ATG7: variants seen among roughly 807,000 people sequenced by gnomAD.
ATG7 encodes the protein ubiquitin-like modifier-activating enzyme ATG7.
ATG7 carries 70 observed loss-of-function variants against 82.4 expected under a neutral mutation model. That is an observed-to-expected ratio of 0.85 (90% confidence interval 0.70 to 1.04). ATG7 has a LOEUF of 1.04. ATG7 is among the 50% of genes least tolerant of loss of function. The pLI is 0.00. For synonymous variants in ATG7, 287 were observed against 313.0 expected (o/e 0.92, Z 0.88); for missense variants, 792 against 864.3 (o/e 0.92, Z 1.05).
chr3:11,390,235 TAAGG>T lies in ATG7; in HGVS notation c.1956+10187_1956+10190del, dbSNP rs1383926187. On this transcript the variant is annotated intron_variant, in intron 19 of 20. Transcript: ENST00000693202. Reference sequence around the variant, plus strand: ...CGTTATTTCAGTTTGACTTGACTGATAAGGAAGATTGATTTTAATCATAAGGCAC... The same window carrying T: ...CGTTATTTCAGTTTGACTTGACTGATAAGATTGATTTTAATCATAAGGCAC... Among the ~76,000 whole-genome samples the T allele has an allele frequency of 3.9e-5, 6 of 152,344 alleles. No homozygotes were observed. The South Asian group carries it at 6.2e-4, about 16-fold the overall frequency.
In ATG7 at chr3:11,333,103, C is replaced by T. The variant is rs760503587; in HGVS notation, c.889+10C>T. The T allele has an allele frequency of 1.8e-5, 28 of 1,541,620 alleles. No individual in the cohort carries two copies. Among genetic ancestry groups the T allele is most frequent in the East Asian group, 1.2e-4 (5 of 41,442 alleles). On this transcript the variant is annotated intron_variant, in intron 11 of 20. Coordinates refer to ENST00000693202, the MANE Select transcript of ATG7 (RefSeq NM_001349232.2). ...ATGGCATTTAGCCCAGGTAATTTGC[C>T]GGTCTTTGAAAATGCATATAATTAT... is the stretch of plus-strand genomic sequence containing the variant.
intron 19 of ATG7, among the ~76,000 whole-genome samples, chr3:11,381,427 A>T (rs1226194719): frequency 6.6e-6 from 1 of 152,254 alleles, no homozygotes; most frequent in East Asian, 1.9e-4. Flanking sequence ...TGGCTAGTCA[A>T]TGAAATAAAG....
At chr3:11,458,723 GA>G (rs2086002159) in intron 20 of ATG7, among the ~76,000 whole-genome samples, 1 of 152,172 alleles carries the variant, frequency 6.6e-6, no homozygotes, top group African/African-American at 2.4e-5. Context: ...GATAAAAAAA[GA>G]GAACTTGTTT....
chr3:11,310,156 C>G (rs1455414496), intron 7 of ATG7, among the ~76,000 whole-genome samples: 1 of 151,168 alleles, frequency 6.6e-6, no homozygotes, highest in African/African-American at 2.4e-5. Flanking sequence ...CAGAGTGAGA[C>G]CCTGTCTCAA....
intron 12 of ATG7, among the ~76,000 whole-genome samples, chr3:11,341,854 T>C (rs896055822): frequency 3.3e-5 from 5 of 152,182 alleles, no homozygotes; most frequent in Non-Finnish European, 7.3e-5. Context: ...TTTTTATTCA[T>C]GGACACCATG....
intron 20 of ATG7, among the ~76,000 whole-genome samples, chr3:11,491,586 T>C (rs2090360522): frequency 6.6e-6 from 1 of 152,190 alleles, no homozygotes; most frequent in South Asian, 2.1e-4. Flanking sequence ...CTCTGTTTTT[T>C]CCCCGTCTTT....
At chr3:11,423,642 G>T (rs2082124303) in intron 19 of ATG7, among the ~76,000 whole-genome samples, 1 of 151,792 alleles carries the variant, frequency 6.6e-6, no homozygotes, top group Non-Finnish European at 1.5e-5. Context: ...AGGGGGTTAG[G>T]CTGTCAAATT....
chr3:11,290,111 G>T lies in ATG7; in HGVS notation c.-11+7673G>T, dbSNP rs537796626. On this transcript the variant is annotated intron_variant, in intron 3 of 20. Coordinates refer to ENST00000693202, the MANE Select transcript of ATG7 (RefSeq NM_001349232.2). ...AGGGTAGGGCTCCCCTCCAATTAGT[G>T]TTCCAGCTCACTTTTGCTAATATTG... Among the ~76,000 whole-genome samples, 468 of 152,262 alleles carry T rather than the reference G, an allele frequency of 3.1e-3. 3 individuals are homozygous for T. Among genetic ancestry groups the T allele is most frequent in the African/African-American group, 0.011 (450 of 41,554 alleles).
At chr3:11,392,317 G>C (rs2078880180) in intron 19 of ATG7, among the ~76,000 whole-genome samples, 1 of 152,088 alleles carries the variant, frequency 6.6e-6, no homozygotes, top group Non-Finnish European at 1.5e-5. Flanking sequence ...AGACAGTGCT[G>C]TTTTGAAAAT....
At chr3:11,308,922 C>T in intron 6 of ATG7, 62 bp from the exon 7 acceptor site, 1 of 1,469,446 alleles carries the variant, frequency 6.8e-7, no homozygotes, top group Non-Finnish European at 9.5e-7. Context: ...CACACTTCAC[C>T]TGAGAGTGAG....
At chr3:11,515,956 C>T (rs964056686) in intron 20 of ATG7, among the ~76,000 whole-genome samples, 5 of 150,340 alleles carry the variant, frequency 3.3e-5, no homozygotes, top group Admixed American at 2.0e-4. Context: ...TGCTGAAGAT[C>T]AGAAAGTTTG....
intron 11 of ATG7, among the ~76,000 whole-genome samples, chr3:11,333,938 G>T (rs937553075): frequency 2.0e-5 from 3 of 151,876 alleles, no homozygotes; most frequent in Non-Finnish European, 4.4e-5. Context: ...TAGTAGAGAC[G>T]GGGTTTCACC....
intron 9 of ATG7, among the ~76,000 whole-genome samples, 170 bp from the exon 10 acceptor site, chr3:11,331,170 G>T (rs1559408499): frequency 6.6e-6 from 1 of 152,114 alleles, no homozygotes; most frequent in East Asian, 1.9e-4. Context: ...GTTCTGTAGT[G>T]CAGTGTGAGA....
chr3:11,491,366 C>T (rs1436172360), intron 20 of ATG7, among the ~76,000 whole-genome samples: 1 of 152,154 alleles, frequency 6.6e-6, no homozygotes, highest in African/African-American at 2.4e-5. Context: ...TCTAGTTATA[C>T]ATTCGTCTAA....
intron 20 of ATG7, among the ~76,000 whole-genome samples, chr3:11,491,897 G>A (rs1384241193): frequency 6.6e-6 from 1 of 152,212 alleles, no homozygotes; most frequent in Admixed American, 6.5e-5. Flanking sequence ...AGTTTGCAGA[G>A]GTTACTGCTG....
At chr3:11,365,144 C>T (rs2076516378) in intron 18 of ATG7, among the ~76,000 whole-genome samples, 3 of 152,188 alleles carry the variant, frequency 2.0e-5, no homozygotes, top group South Asian at 4.1e-4. Context: ...ATGCTGACAT[C>T]ACCTGGTAGT....
intron 19 of ATG7, among the ~76,000 whole-genome samples, chr3:11,380,580 G>A (rs942597891): frequency 6.6e-6 from 1 of 152,132 alleles, no homozygotes; most frequent in Non-Finnish European, 1.5e-5. Context: ...AATGTGAAAC[G>A]GCTGATATAT....
At chr3:11,352,941 T>C (rs2075673737) in intron 14 of ATG7, among the ~76,000 whole-genome samples, 1 of 152,180 alleles carries the variant, frequency 6.6e-6, no homozygotes, top group Admixed American at 6.5e-5. Flanking sequence ...ATTGGCCTTT[T>C]GAAGGTAAGA....
chr3:11,436,163 AAAC>A (rs1230820410), intron 20 of ATG7, among the ~76,000 whole-genome samples: 4 of 152,224 alleles, frequency 2.6e-5, no homozygotes, highest in Admixed American at 6.5e-5. Flanking sequence ...ATTAGATTTA[AAAC>A]AACATTTCTC....
Sources: gnomAD v4.1 joint callset for allele counts (sites outside exome capture counted in the v4.1 genomes callset) on GRCh38, gnomAD v4.1.1 for gene constraint, MANE v1.5 for transcripts, NCBI Gene and HGNC (gene_info 2026-07-23, HGNC 2026-07-21) for gene names.